The following RAD51B variants were observed in gnomAD, a reference collection of about 807,000 sequenced individuals.
The protein encoded by RAD51B is RAD51 paralog B, also known as DNA repair protein RAD51 homolog 2.
In RAD51B, 38 loss-of-function variants were observed where a neutral mutation model predicts 42.2. The ratio of observed to expected loss-of-function variants is 0.90; its 90% CI spans 0.70 to 1.18. The LOEUF (loss-of-function observed/expected upper bound fraction) is 1.18. Among genes scored for constraint, RAD51B ranks in the 50% most tolerant of loss-of-function variants. The probability of loss-of-function intolerance (pLI) is 0.00; values close to 1 mark genes in which losing one functional copy is unlikely to be tolerated. For missense variants in RAD51B, 373 were observed against 400.7 expected, an observed-to-expected ratio of 0.93 and a Z score of 0.59; for synonymous variants, 154 against 145.2, an observed-to-expected ratio of 1.06 and a Z score of -0.43.
intron 7 of RAD51B, among the ~76,000 whole-genome samples, chr14:68,156,294 A>T (rs1225564099): frequency 1.3e-5 from 2 of 152,196 alleles, no homozygotes; most frequent in East Asian, 3.8e-4. Context: ...TCCACAGGGA[A>T]AGGCTTTGTA....
rs1389019935 is a variant in RAD51B, at chr14:68,105,832, C to G, written c.757-186052C>G. On this transcript the variant is annotated intron_variant, in intron 7 of 10. Coordinates refer to ENST00000471583, the MANE Select transcript of RAD51B (RefSeq NM_133510.4). ...TTACAAGCACAGAAACAAGGTTTAG[C>G]AATATTAGTGACAGGATTATATACC... Among the ~76,000 whole-genome samples, 47 of 151,896 alleles carry G rather than the reference C, an allele frequency of 3.1e-4. 1 individual carries two copies. Among genetic ancestry groups the G allele is most frequent in the Admixed American group, 3.1e-3 (47 of 15,216 alleles).
chr14:68,223,035 T>A (rs2079962972), intron 7 of RAD51B, among the ~76,000 whole-genome samples: 1 of 152,194 alleles, frequency 6.6e-6, no homozygotes, highest in African/African-American at 2.4e-5. Context: ...TGTTGTGGGC[T>A]AACTCCAACT....
At chr14:67,820,294 C>G (rs980467088) in intron 1 of RAD51B, among the ~76,000 whole-genome samples, 4 of 152,154 alleles carry the variant, frequency 2.6e-5, no homozygotes, top group African/African-American at 9.7e-5. Flanking sequence ...TAACTTTGCC[C>G]AAGTTTCTCA....
chr14:68,675,789 C>T (rs1332980557), intron 11 of RAD51B, among the ~76,000 whole-genome samples: 2 of 152,220 alleles, frequency 1.3e-5, no homozygotes, highest in Non-Finnish European at 2.9e-5. Context: ...GCATTGTTCT[C>T]TCATCCTATT....
intron 8 of RAD51B, among the ~76,000 whole-genome samples, chr14:68,298,924 C>T (rs2081664841): frequency 6.6e-6 from 1 of 152,162 alleles, no homozygotes; most frequent in African/African-American, 2.4e-5. Flanking sequence ...CTTCAGAATG[C>T]ATTTGCGATG....
intron 7 of RAD51B, among the ~76,000 whole-genome samples, chr14:68,037,094 TTTCCC>T (rs2076138031): frequency 4.1e-5 from 1 of 24,136 alleles, no homozygotes; most frequent in African/African-American, 3.0e-4. Context: ...TCCTTTCTCC[TTTCCC>T]TCCCCTCCCC....
intron 4 of RAD51B, among the ~76,000 whole-genome samples, chr14:67,861,051 G>A (rs1460730239): frequency 6.6e-6 from 1 of 151,978 alleles, no homozygotes; most frequent in Admixed American, 6.6e-5. Flanking sequence ...AAATTACCTG[G>A]GTATGGTGAT....
chr14:68,442,957 G>A (rs1005471212), intron 9 of RAD51B, among the ~76,000 whole-genome samples: 1 of 152,160 alleles, frequency 6.6e-6, no homozygotes, highest in Non-Finnish European at 1.5e-5. Flanking sequence ...TGCTCCCCCT[G>A]AAACTTCACA....
Position 68,668,831 on chromosome 14 carries a change from T to C in RAD51B, c.*11+17975T>C, listed in dbSNP as rs116293187. On this transcript the variant is annotated intron_variant, in intron 11 of 11. Coordinates refer to the RAD51B transcript ENST00000488612. Reference sequence around the variant, plus strand: ...TGACAAGTCAGGGGCAGCATCTGCATGTCTGAAGCAGCTCAGGATCTTCTC... The same window carrying C: ...TGACAAGTCAGGGGCAGCATCTGCACGTCTGAAGCAGCTCAGGATCTTCTC... Among the ~76,000 whole-genome samples the C allele has an allele frequency of 8.9e-3, 1,351 of 152,350 alleles. 4 individuals carry two copies. Among genetic ancestry groups the C allele is most frequent in the African/African-American group, 0.02 (831 of 41,578 alleles).
intron 7 of RAD51B, among the ~76,000 whole-genome samples, chr14:67,954,739 G>A (rs2074515603): frequency 6.6e-6 from 1 of 152,170 alleles, no homozygotes; most frequent in African/African-American, 2.4e-5. Context: ...CTAGGGTCAA[G>A]GGAAGACTTT....
chr14:67,846,154 A>C (rs1035580516), intron 4 of RAD51B, among the ~76,000 whole-genome samples: 1 of 152,080 alleles, frequency 6.6e-6, no homozygotes, highest in Admixed American at 6.5e-5. Context: ...TGCACACTCC[A>C]TGGCTTGGAT....
chr14:68,638,589 G>A (rs1443502456), intron 10 of RAD51B, among the ~76,000 whole-genome samples: 1 of 152,182 alleles, frequency 6.6e-6, no homozygotes, highest in African/African-American at 2.4e-5. Flanking sequence ...GCTGGGTGAT[G>A]GGGGAGGGGA....
chr14:68,015,655 A>G (rs2075767447), intron 7 of RAD51B, among the ~76,000 whole-genome samples: 1 of 152,176 alleles, frequency 6.6e-6, no homozygotes, highest in African/African-American at 2.4e-5. Context: ...CCCGTGATTC[A>G]ATTACCTCCC....
intron 10 of RAD51B, chr14:68,497,854 A>G (rs1884645013): frequency 9.6e-6 from 2 of 209,178 alleles, no homozygotes; most frequent in South Asian, 1.9e-4. Flanking sequence ...CATTCTTTTT[A>G]TGGCTGAATA....
chr14:68,435,492 G>GTTT (rs35536205), intron 9 of RAD51B, among the ~76,000 whole-genome samples: 4 of 128,140 alleles, frequency 3.1e-5, no homozygotes, highest in Admixed American at 7.9e-5. Flanking sequence ...GTGGTTTTTG[G>GTTT]TTTTTTTTTT....
At chr14:68,128,437 A>G (rs1156820831) in intron 7 of RAD51B, among the ~76,000 whole-genome samples, 2 of 152,208 alleles carry the variant, frequency 1.3e-5, no homozygotes, top group African/African-American at 2.4e-5. Flanking sequence ...GCTCACTCGT[A>G]TAATCCCAGC....
rs947618832 is a variant in RAD51B, at chr14:68,068,624, G to A, written c.756+181420G>A. Among the ~76,000 whole-genome samples, 6 of 152,246 alleles carry A rather than the reference G, an allele frequency of 3.9e-5. No homozygotes were observed. The East Asian group carries it at 1.2e-3, about 29-fold the overall frequency. On this transcript the variant is annotated intron_variant, in intron 7 of 10. Transcript: ENST00000471583. ...GGACATGTTTTCAATTCTCTTGGGT[G>A]TATAGCTGGGTGTTTACTTCCTAGG...
chr14:68,552,698 G>GA (rs988280600), intron 10 of RAD51B, among the ~76,000 whole-genome samples: 15 of 151,406 alleles, frequency 9.9e-5, no homozygotes, highest in Middle Eastern at 6.8e-3. Context: ...TCCCATGATG[G>GA]AAAAAAAAAG....
intron 7 of RAD51B, among the ~76,000 whole-genome samples, chr14:68,153,210 A>G (rs2078427939): frequency 1.3e-5 from 2 of 152,216 alleles, no homozygotes; most frequent in African/African-American, 2.4e-5. Flanking sequence ...AGTACTTGTC[A>G]TACATTTAAA....
Sources: allele counts gnomAD v4.1 joint callset (sites outside exome capture counted in the v4.1 genomes callset), GRCh38; gene constraint gnomAD v4.1.1; transcripts MANE v1.5; gene names NCBI Gene and HGNC (gene_info 2026-07-23, HGNC 2026-07-21).